EXOC6B: variants seen among roughly 807,000 people sequenced by gnomAD.
The protein encoded by EXOC6B is SEC15 homolog B.
A neutral mutation model predicts 113.5 loss-of-function variants in EXOC6B; 54 were observed. The ratio of observed to expected loss-of-function variants is 0.48; its 90% CI spans 0.38 to 0.60. EXOC6B has a LOEUF of 0.60. Ranked by LOEUF, EXOC6B falls within the 20% of genes least tolerant of loss-of-function variation. The pLI is 0.00. For missense variants in EXOC6B, 797 were observed against 977.5 expected, an observed-to-expected ratio of 0.82 and a Z score of 2.46; for synonymous variants, 357 against 339.0, an observed-to-expected ratio of 1.05 and a Z score of -0.58.
intron 20 of EXOC6B, among the ~76,000 whole-genome samples, chr2:72,287,887 A>G (rs543772970): frequency 3.6e-4 from 55 of 152,328 alleles, no homozygotes; most frequent in African/African-American, 1.2e-3. Flanking sequence ...AGTAAGGCCA[A>G]TCTTACGTAA....
At chr2:72,580,335 G>A (rs932893912) in intron 6 of EXOC6B, among the ~76,000 whole-genome samples, 2 of 151,566 alleles carry the variant, frequency 1.3e-5, no homozygotes, top group African/African-American at 4.9e-5. Flanking sequence ...TAGAGACATG[G>A]TTTCACCATG....
intron 8 of EXOC6B, among the ~76,000 whole-genome samples, chr2:72,523,866 C>T (rs962677876): frequency 6.8e-6 from 1 of 147,600 alleles, no homozygotes; most frequent in Non-Finnish European, 1.5e-5. Context: ...TCCTGGTAGA[C>T]ATTGGTATGG....
At chr2:72,503,714 A>G (rs943812427) in intron 11 of EXOC6B, among the ~76,000 whole-genome samples, 2 of 152,140 alleles carry the variant, frequency 1.3e-5, no homozygotes, top group Admixed American at 1.3e-4. Flanking sequence ...ATTCCTAGGC[A>G]TACACCTGCT....
intron 8 of EXOC6B, among the ~76,000 whole-genome samples, chr2:72,551,718 G>A (rs975244431): frequency 3.3e-5 from 5 of 150,622 alleles, no homozygotes; most frequent in Non-Finnish European, 5.9e-5. Flanking sequence ...CCATGGTCTC[G>A]ATCTCCTGAC....
At chr2:72,559,382 C>T in intron 8 of EXOC6B, 71 bp downstream of exon 8, 1 of 1,100,990 alleles carries the variant, frequency 9.1e-7, no homozygotes, top group Non-Finnish European at 1.2e-6. Context: ...AGAAAAACTA[C>T]CAAAAGTTGA....
intron 20 of EXOC6B, among the ~76,000 whole-genome samples, chr2:72,297,722 T>C (rs938627394): frequency 1.3e-5 from 2 of 152,200 alleles, no homozygotes; most frequent in Non-Finnish European, 2.9e-5. Context: ...AATGAACTTA[T>C]TTATTTCTGC....
At chr2:72,661,255 G>A (rs935081546) in intron 6 of EXOC6B, among the ~76,000 whole-genome samples, 1 of 147,286 alleles carries the variant, frequency 6.8e-6, no homozygotes, top group Admixed American at 6.9e-5. Flanking sequence ...GGACAAAAAA[G>A]AAAAGCAGCA....
intron 6 of EXOC6B, among the ~76,000 whole-genome samples, chr2:72,661,047 A>C (rs2104448238): frequency 6.6e-6 from 1 of 152,316 alleles, no homozygotes; most frequent in South Asian, 2.1e-4. Flanking sequence ...TGGCCACTAA[A>C]GAGAGCCCAC....
intron 20 of EXOC6B, among the ~76,000 whole-genome samples, chr2:72,223,685 T>TTTTGTTTG (rs3029112): frequency 0.028 from 4,223 of 151,408 alleles, 159 homozygotes; most frequent in African/African-American, 0.085. Flanking sequence ...AAGGCCTGTT[T>TTTTGTTTG]TTTGTTTGTT....
At chr2:72,282,550 A>G (rs1462184353) in intron 20 of EXOC6B, among the ~76,000 whole-genome samples, 1 of 151,458 alleles carries the variant, frequency 6.6e-6, no homozygotes, top group Non-Finnish European at 1.5e-5. Context: ...AGAAAGTATA[A>G]GAGTATATTT....
intron 18 of EXOC6B, among the ~76,000 whole-genome samples, chr2:72,401,433 G>T (rs1365423911): frequency 7.1e-6 from 1 of 140,384 alleles, no homozygotes; most frequent in Non-Finnish European, 1.5e-5. Context: ...TTGCACTCCA[G>T]CCTGGGCAAC....
intron 20 of EXOC6B, among the ~76,000 whole-genome samples, chr2:72,288,081 T>C (rs540884767): frequency 6.6e-6 from 1 of 152,214 alleles, no homozygotes; most frequent in African/African-American, 2.4e-5. Context: ...ATATGAAAGG[T>C]TGCTCAACAT....
chr2:72,276,173 T>C (rs1684799449), intron 20 of EXOC6B, among the ~76,000 whole-genome samples: 1 of 152,106 alleles, frequency 6.6e-6, no homozygotes, highest in African/African-American at 2.4e-5. Context: ...GAGAAGGGCC[T>C]CCACTTTGGG....
At chr2:72,718,012 G>A in intron 6 of EXOC6B, 91 bp downstream of exon 6, 1 of 883,324 alleles carries the variant, frequency 1.1e-6, no homozygotes, top group Non-Finnish European at 1.7e-6. Context: ...ACTTGGATAA[G>A]ATAATGACTA....
intron 19 of EXOC6B, among the ~76,000 whole-genome samples, chr2:72,367,336 T>TAA (rs58358998): frequency 0.11 from 16,310 of 151,068 alleles, 919 homozygotes; most frequent in African/African-American, 0.14. Context: ...CTGATTAATC[T>TAA]AAAAAAAAGC....
chr2:72,674,503 T>G (rs1426861035), intron 6 of EXOC6B, among the ~76,000 whole-genome samples: 1 of 152,226 alleles, frequency 6.6e-6, no homozygotes, highest in African/African-American at 2.4e-5. Flanking sequence ...CAATCATTTA[T>G]GTCTATCGAG....
At chr2:72,560,824 C>T (rs992441280) in intron 7 of EXOC6B, among the ~76,000 whole-genome samples, 1 of 150,042 alleles carries the variant, frequency 6.7e-6, no homozygotes, top group Non-Finnish European at 1.5e-5. Flanking sequence ...ATACCATGGT[C>T]CAAGAATAAC....
At chr2:72,480,866 C>T in intron 16 of EXOC6B, 116 bp from the exon 17 acceptor site, 1 of 1,041,160 alleles carries the variant, frequency 9.6e-7, no homozygotes, top group South Asian at 1.6e-5. Context: ...AGGCCATCCA[C>T]ATTCGGGCAA....
intron 1 of EXOC6B, among the ~76,000 whole-genome samples, chr2:72,781,385 T>C (rs1240861219): frequency 6.6e-6 from 1 of 152,196 alleles, no homozygotes; most frequent in African/African-American, 2.4e-5. Flanking sequence ...TATGAGTCCA[T>C]TGTGGGTCAG....
Sources: gnomAD v4.1 joint callset for allele counts (sites outside exome capture counted in the v4.1 genomes callset) on GRCh38, gnomAD v4.1.1 for gene constraint, MANE v1.5 for transcripts, NCBI Gene and HGNC (gene_info 2026-07-23, HGNC 2026-07-21) for gene names.